TBC1D19: variants seen among roughly 807,000 people sequenced by gnomAD.
TBC1D19 encodes TBC1 domain family, member 19.
In TBC1D19, 60 loss-of-function variants were observed where a neutral mutation model predicts 89.0. The observed-to-expected ratio is 0.67, with a 90% CI of 0.55 to 0.84. The LOEUF (loss-of-function observed/expected upper bound fraction) is 0.84. Ranked by LOEUF, TBC1D19 falls within the 40% of genes least tolerant of loss-of-function variation. TBC1D19 has a pLI of 0.00. For missense variants in TBC1D19, 500 were observed against 610.8 expected (o/e 0.82, Z 1.91); for synonymous variants, 189 against 199.7 (o/e 0.95, Z 0.45).
At chr4:26,650,047 A>AT (rs527288895) in intron 7 of TBC1D19, among the ~76,000 whole-genome samples, 1 of 152,076 alleles carries the variant, frequency 6.6e-6, no homozygotes, top group Admixed American at 6.6e-5. Context: ...TGAACTCATC[A>AT]TTTTTTATGG....
the TBC1D19 span, among the ~76,000 whole-genome samples, chr4:26,785,467 A>C: frequency 1.3e-5 from 2 of 152,268 alleles, no homozygotes; most frequent in African/African-American, 4.8e-5. Flanking sequence ...TAGCAGTGAC[A>C]CAAGTTAACT....
the TBC1D19 span, among the ~76,000 whole-genome samples, chr4:26,827,815 G>A: frequency 6.6e-6 from 1 of 151,700 alleles, no homozygotes; most frequent in Admixed American, 6.6e-5. Context: ...CGAACTCCTG[G>A]GCTCAAGCAA....
At chr4:26,817,284 C>CA in the TBC1D19 span, among the ~76,000 whole-genome samples, 1 of 152,166 alleles carries the variant, frequency 6.6e-6, no homozygotes, top group Non-Finnish European at 1.5e-5. Context: ...CCCCCTCTCC[C>CA]GCACCCCGCC....
intron 18 of TBC1D19, among the ~76,000 whole-genome samples, chr4:26,744,572 A>T (rs981763662): frequency 3.3e-5 from 5 of 151,942 alleles, no homozygotes; most frequent in Admixed American, 6.5e-5. Context: ...TTGATATGTT[A>T]TATTTTCATT....
At chr4:26,830,672 G>A in the TBC1D19 span, among the ~76,000 whole-genome samples, 1 of 152,256 alleles carries the variant, frequency 6.6e-6, no homozygotes, top group South Asian at 2.1e-4. Flanking sequence ...GCCCAAACTG[G>A]CATCTTTGAC....
intron 13 of TBC1D19, among the ~76,000 whole-genome samples, chr4:26,695,435 G>T (rs1714687174): frequency 6.6e-6 from 1 of 152,176 alleles, no homozygotes; most frequent in South Asian, 2.1e-4. Context: ...AAAACACCCT[G>T]CAGGATATTA....
intron 16 of TBC1D19, among the ~76,000 whole-genome samples, chr4:26,739,029 G>T (rs185240618): frequency 8.5e-5 from 13 of 152,212 alleles, no homozygotes; most frequent in African/African-American, 2.9e-4. Context: ...TAATATTTAG[G>T]TAATGCAGTT....
chr4:26,604,121 T>A (rs1200272430), intron 1 of TBC1D19, among the ~76,000 whole-genome samples: 1 of 151,938 alleles, frequency 6.6e-6, no homozygotes, highest in Non-Finnish European at 1.5e-5. Flanking sequence ...TCATCCATGT[T>A]GTAACATGTG....
At chr4:26,686,418 G>GTT (rs935540080) in intron 12 of TBC1D19, among the ~76,000 whole-genome samples, 1 of 142,518 alleles carries the variant, frequency 7.0e-6, no homozygotes, top group Middle Eastern at 3.5e-3. Flanking sequence ...TTTGTGTTTT[G>GTT]TTTTTTTTTT....
At chr4:26,832,216 T>A in the TBC1D19 span, among the ~76,000 whole-genome samples, 3,283 of 152,284 alleles carry the variant, frequency 0.022, 131 homozygotes, top group East Asian at 0.16. Context: ...GGAAATCAGA[T>A]TTTTTGGCAA....
chr4:26,796,332 G>A, the TBC1D19 span, among the ~76,000 whole-genome samples: 2 of 152,126 alleles, frequency 1.3e-5, no homozygotes, highest in East Asian at 1.9e-4. Context: ...CCCAAAACTC[G>A]TCAACACAGT....
At chr4:26,737,188 T>A (rs1363046588) in intron 16 of TBC1D19, among the ~76,000 whole-genome samples, 1 of 152,142 alleles carries the variant, frequency 6.6e-6, no homozygotes, top group Non-Finnish European at 1.5e-5. Context: ...TATGCTATAC[T>A]TGGTGTTAGT....
chr4:26,618,073 A>G (rs934520663), intron 3 of TBC1D19, among the ~76,000 whole-genome samples: 2 of 152,184 alleles, frequency 1.3e-5, no homozygotes, highest in Admixed American at 1.3e-4. Flanking sequence ...TCCTAAACAT[A>G]CAGTTCTTCT....
At chr4:26,709,965 A>G (rs910201248) in intron 13 of TBC1D19, among the ~76,000 whole-genome samples, 8 of 152,064 alleles carry the variant, frequency 5.3e-5, no homozygotes, top group East Asian at 1.9e-4. Context: ...AGGGGTGTCT[A>G]TTTTCAAAGC....
At chr4:26,614,335 T>G (rs1741547130) in intron 2 of TBC1D19, 73 bp from the exon 3 acceptor site, 1 of 1,097,952 alleles carries the variant, frequency 9.1e-7, no homozygotes, top group African/African-American at 1.6e-5. Context: ...TTTATTGAGA[T>G]AAATTTAATT....
chr4:26,817,246 A>G, the TBC1D19 span, among the ~76,000 whole-genome samples: 1 of 152,314 alleles, frequency 6.6e-6, no homozygotes, highest in Admixed American at 6.5e-5. Context: ...CTGCCTGGCT[A>G]TCTTGACTCA....
the TBC1D19 span, among the ~76,000 whole-genome samples, chr4:26,849,708 C>G: frequency 6.6e-6 from 1 of 152,136 alleles, no homozygotes; most frequent in African/African-American, 2.4e-5. Context: ...AATGAAAGAG[C>G]TTTCATTTCA....
At chr4:26,799,336 CAA>C in the TBC1D19 span, among the ~76,000 whole-genome samples, 2 of 151,778 alleles carry the variant, frequency 1.3e-5, no homozygotes, top group Non-Finnish European at 2.9e-5. Flanking sequence ...GACCCTGTCT[CAA>C]AGAGGAAAAA....
chr4:26,625,684 T>A (rs990040982), intron 4 of TBC1D19, among the ~76,000 whole-genome samples: 1 of 152,146 alleles, frequency 6.6e-6, no homozygotes, highest in African/African-American at 2.4e-5. Context: ...ACTTTCGCAG[T>A]TTTGAGAAGT....
Sources: gnomAD v4.1 joint callset for allele counts (sites outside exome capture counted in the v4.1 genomes callset) on GRCh38, gnomAD v4.1.1 for gene constraint, MANE v1.5 for transcripts, NCBI Gene and HGNC (gene_info 2026-07-23, HGNC 2026-07-21) for gene names.